NRP2: variants seen among roughly 807,000 people sequenced by gnomAD.
NRP2 encodes neuropilin-2.
Under a neutral mutation model 110.4 loss-of-function variants are expected in NRP2, and 52 were observed. The ratio of observed to expected loss-of-function variants is 0.47; its 90% CI spans 0.38 to 0.59. The LOEUF is 0.59. Among genes scored for constraint, NRP2 ranks in the 20% least tolerant of loss-of-function variants. The pLI, the probability that NRP2 is intolerant of heterozygous loss-of-function variation, is 0.00. For missense variants in NRP2, 1,049 were observed against 1,203.0 expected, an observed-to-expected ratio of 0.87 and a Z score of 1.89; for synonymous variants, 508 against 468.9, an observed-to-expected ratio of 1.08 and a Z score of -1.08.
Position 205,784,383 on chromosome 2 carries a change from T to C in NRP2, c.2426-7852T>C, listed in dbSNP as rs1221827003. Among the ~76,000 whole-genome samples, 3 of 152,342 alleles carry C rather than the reference T, an allele frequency of 2.0e-5. No individual in the cohort carries two copies. In the East Asian group the frequency reaches 5.8e-4, roughly 29 times the overall value. ...TGTTTTCTTGCTGCCACCCAGGGCC[T>C]GCGAGAACAGGCATGAGGATTTCAG... On this transcript the variant is annotated intron_variant, in intron 15 of 16. Transcript: ENST00000357785.
chr2:205,690,189 G>GA (rs1372959638), intron 1 of NRP2, among the ~76,000 whole-genome samples: 1 of 152,094 alleles, frequency 6.6e-6, no homozygotes, highest in Non-Finnish European at 1.5e-5. Flanking sequence ...GGATACAGGA[G>GA]AAAAAATAAA....
intron 9 of NRP2, among the ~76,000 whole-genome samples, chr2:205,745,188 A>G (rs2057515239): frequency 6.6e-6 from 1 of 152,180 alleles, no homozygotes; most frequent in Admixed American, 6.5e-5. Flanking sequence ...TTCCCTAAAC[A>G]AAGGTTTGGG....
At chr2:205,706,585 T>C (rs2056682259) in intron 2 of NRP2, among the ~76,000 whole-genome samples, 1 of 152,198 alleles carries the variant, frequency 6.6e-6, no homozygotes, top group Non-Finnish European at 1.5e-5. Flanking sequence ...CTCAGGTTTA[T>C]ACAGCACCTT....
intron 15 of NRP2, among the ~76,000 whole-genome samples, chr2:205,784,722 T>A (rs1190143689): frequency 2.0e-5 from 3 of 152,202 alleles, no homozygotes; most frequent in African/African-American, 7.2e-5. Context: ...GCAGTTTGTC[T>A]CCAACCTCCA....
chr2:205,776,214 C>T, intron 15 of NRP2: 1 of 1,589,658 alleles, frequency 6.3e-7, no homozygotes. Flanking sequence ...ATGCTCTCAG[C>T]CTAGCAACAC....
chr2:205,778,158 C>T (rs1053184607), intron 15 of NRP2: 2 of 152,070 alleles, frequency 1.3e-5, no homozygotes, highest in Non-Finnish European at 2.9e-5. Context: ...ATAAAATTCA[C>T]TCCAAAGAAG....
Position 205,795,221 on chromosome 2 carries a change from G to C in NRP2, c.*163G>C. On this transcript the variant is annotated 3_prime_UTR_variant, in exon 17 of 17. Transcript: ENST00000357785. ...AGAAAAGCGAGTCGCAGGAGGAAGG[G>C]AGATGCAGCCGCACAGGGGATGATT... 1.3e-6 allele frequency: 1 copy of C among 773,116 alleles called. No individual in the cohort carries two copies. The highest frequency in any genetic ancestry group is 1.6e-5 in the South Asian group (1 of 64,024). The allele number at this position is 773,116 out of a possible 1,614,324, so 47.9% of individuals were successfully genotyped here.
At chr2:205,685,945 C>G (rs2056147712) in intron 1 of NRP2, 1 of 152,216 alleles carries the variant, frequency 6.6e-6, no homozygotes, top group Non-Finnish European at 1.5e-5. Flanking sequence ...GCCCAGCGCC[C>G]GCCGGTGCGC....
intron 7 of NRP2, among the ~76,000 whole-genome samples, chr2:205,734,398 C>CT: frequency 8.2e-6 from 1 of 121,298 alleles, no homozygotes; most frequent in Non-Finnish European, 1.8e-5. Flanking sequence ...CATTTCCCAC[C>CT]GCCCCCCCCC....
intron 7 of NRP2, among the ~76,000 whole-genome samples, chr2:205,736,207 T>G (rs1254943646): frequency 6.6e-6 from 1 of 152,062 alleles, no homozygotes; most frequent in Non-Finnish European, 1.5e-5. Flanking sequence ...CCAGGCTTGG[T>G]GGCGCATACC....
rs113463717 is a variant in NRP2, at chr2:205,693,656, C to T, written c.74-3888C>T. 1.4e-4 allele frequency among the ~76,000 whole-genome samples: 22 copies of T among 152,300 alleles called. 3 individuals carry two copies. The highest frequency in any genetic ancestry group is 4.6e-4 in the African/African-American group (19 of 41,560). On this transcript the variant is annotated intron_variant, in intron 1 of 16. Transcript: ENST00000357785. ...AATTGAGTGAGTTAAGAGTTGGGTG[C>T]CATCTCCCATCTTTCTGCTAATGTC...
intron 15 of NRP2, among the ~76,000 whole-genome samples, chr2:205,789,868 G>GAA (rs1335976233): frequency 6.6e-6 from 1 of 152,226 alleles, no homozygotes; most frequent in Non-Finnish European, 1.5e-5. Flanking sequence ...TTGAGAGAGA[G>GAA]AAAGCTCTTA....
intron 15 of NRP2, chr2:205,776,567 C>A: frequency 2.5e-6 from 4 of 1,600,244 alleles, no homozygotes; most frequent in Non-Finnish European, 3.4e-6. Context: ...ACGAGAAAGA[C>A]TGCAAACATG....
intron 15 of NRP2, chr2:205,768,100 T>A (rs2057957039): frequency 6.6e-6 from 1 of 152,272 alleles, no homozygotes; most frequent in African/African-American, 2.4e-5. Flanking sequence ...GACAGGGGAA[T>A]GACAGACCGA....
chr2:205,752,579 C>G, intron 11 of NRP2: 1 of 500,750 alleles, frequency 2.0e-6, no homozygotes, highest in Admixed American at 3.2e-5. Flanking sequence ...AGCCTGAAGC[C>G]ATTTGGTAGC....
At chr2:205,730,433 T>C (rs1199691070) in intron 7 of NRP2, among the ~76,000 whole-genome samples, 2 of 151,812 alleles carry the variant, frequency 1.3e-5, no homozygotes, top group East Asian at 3.9e-4. Context: ...CACCACTGAG[T>C]TTCTCTTTGT....
chr2:205,772,149 C>T (rs2058032894), intron 15 of NRP2, among the ~76,000 whole-genome samples: 1 of 152,212 alleles, frequency 6.6e-6, no homozygotes, highest in African/African-American at 2.4e-5. Context: ...CACTTGTCCT[C>T]TCAAGTACTC....
At chr2:205,745,669 G>A (rs1473919687) in intron 9 of NRP2, 77 bp from the exon 10 acceptor site, 7 of 1,570,624 alleles carry the variant, frequency 4.5e-6, no homozygotes, top group Non-Finnish European at 5.2e-6. Flanking sequence ...GCAGGGAGGA[G>A]AAGGGGAAGG....
intron 15 of NRP2, chr2:205,778,650 T>C (rs973161778): frequency 3.3e-5 from 5 of 152,160 alleles, no homozygotes; most frequent in Non-Finnish European, 7.3e-5. Context: ...AGGTGTGGCA[T>C]TGAGAAATTA....
Sources: gnomAD v4.1 joint callset for allele counts (sites outside exome capture counted in the v4.1 genomes callset) on GRCh38, gnomAD v4.1.1 for gene constraint, MANE v1.5 for transcripts, NCBI Gene and HGNC (gene_info 2026-07-23, HGNC 2026-07-21) for gene names.